The following LAMA3 variants were observed in gnomAD, a reference collection of about 807,000 sequenced individuals.
The protein encoded by LAMA3 is laminin subunit alpha-3.
Under a neutral mutation model 402.0 loss-of-function variants are expected in LAMA3, and 281 were observed. The observed-to-expected ratio is 0.70, with a 90% confidence interval of 0.63 to 0.77. The LOEUF is 0.77. LAMA3 is among the 30% of genes least tolerant of loss of function. LAMA3 has a pLI of 0.00. For missense variants in LAMA3, 3,840 were observed against 4,215.5 expected (o/e 0.91, Z 2.47); for synonymous variants, 1,431 against 1,558.4 (o/e 0.92, Z 1.93).
chr18:23,790,443 T>A (rs1366069511), intron 12 of LAMA3, among the ~76,000 whole-genome samples: 1 of 152,252 alleles, frequency 6.6e-6, no homozygotes, highest in Non-Finnish European at 1.5e-5. Context: ...TGGGTTATAA[T>A]GTAAAATGTA....
At chr18:23,909,866 C>T (rs2081374545) in intron 55 of LAMA3, among the ~76,000 whole-genome samples, 1 of 152,226 alleles carries the variant, frequency 6.6e-6, no homozygotes, top group South Asian at 2.1e-4. Context: ...AACTCCTAGA[C>T]AGCCCTACAG....
intron 50 of LAMA3, 111 bp from the exon 51 acceptor site, chr18:23,904,441 TA>T (rs934031089): frequency 0.1 from 84,004 of 818,018 alleles, no homozygotes; most frequent in South Asian, 0.15. Flanking sequence ...TTCCATTTCT[TA>T]AAAAAAAAAA....
intron 23 of LAMA3, among the ~76,000 whole-genome samples, chr18:23,830,036 G>A (rs1278218105): frequency 6.6e-6 from 1 of 152,174 alleles, no homozygotes; most frequent in Non-Finnish European, 1.5e-5. Context: ...CTCTGCATGA[G>A]CTAAACTGCT....
chr18:23,906,458 A>G (rs2081252706), intron 52 of LAMA3, among the ~76,000 whole-genome samples: 1 of 152,022 alleles, frequency 6.6e-6, no homozygotes, highest in Non-Finnish European at 1.5e-5. Flanking sequence ...AAATAATTAA[A>G]CTCTCTCAAT....
chr18:23,821,385 A>G (rs911388228), intron 19 of LAMA3, among the ~76,000 whole-genome samples: 1 of 152,246 alleles, frequency 6.6e-6, no homozygotes, highest in African/African-American at 2.4e-5. Flanking sequence ...GTGATTCTGC[A>G]CAAAGTCAGT....
intron 17 of LAMA3, among the ~76,000 whole-genome samples, chr18:23,816,010 G>C (rs1160903970): frequency 6.6e-6 from 1 of 152,140 alleles, no homozygotes; most frequent in East Asian, 1.9e-4. Flanking sequence ...ATGTTCTTTA[G>C]AACAGCACTG....
intron 35 of LAMA3, among the ~76,000 whole-genome samples, chr18:23,862,734 C>T (rs1568269618): frequency 6.6e-6 from 1 of 152,194 alleles, no homozygotes; most frequent in Non-Finnish European, 1.5e-5. Context: ...TAATGATTAT[C>T]TTGGATGAGG....
intron 1 of LAMA3, among the ~76,000 whole-genome samples, chr18:23,705,826 T>C (rs1397927343): frequency 2.0e-5 from 3 of 152,212 alleles, no homozygotes; most frequent in Non-Finnish European, 2.9e-5. Flanking sequence ...CCTATATATG[T>C]ATTTTAAATA....
chr18:23,907,948 C>A lies in LAMA3; in HGVS notation c.7015+13C>A. The A allele has an allele frequency of 2.5e-6, 4 of 1,612,980 alleles. No individual in the cohort carries two copies. Among genetic ancestry groups the A allele is most frequent in the Non-Finnish European group, 2.5e-6 (3 of 1,179,474 alleles). On this transcript the variant is annotated intron_variant, in intron 54 of 74. Transcript: ENST00000313654. ...GCAGATAACTCGGGTATCAGGCGATCTCTGGCCAGGACATCTTAGCCATTC... is the reference window on the plus strand; with the variant it reads ...GCAGATAACTCGGGTATCAGGCGATATCTGGCCAGGACATCTTAGCCATTC...
intron 11 of LAMA3, among the ~76,000 whole-genome samples, chr18:23,782,483 G>T (rs962692366): frequency 5.9e-5 from 9 of 152,124 alleles, no homozygotes; most frequent in Admixed American, 5.2e-4. Context: ...AACCCAGGAG[G>T]CAGAGGTTAT....
At chr18:23,773,200 A>C (rs1184893168) in intron 8 of LAMA3, among the ~76,000 whole-genome samples, 3 of 152,218 alleles carry the variant, frequency 2.0e-5, no homozygotes, top group African/African-American at 7.2e-5. Context: ...TCTCACTCAC[A>C]TGTCAGGTGC....
intron 20 of LAMA3, among the ~76,000 whole-genome samples, chr18:23,823,630 G>T (rs776547205): frequency 6.6e-6 from 1 of 152,118 alleles, no homozygotes; most frequent in African/African-American, 2.4e-5. Flanking sequence ...TTACTGCCTT[G>T]TCACCAGAAC....
At position 23,871,669 on chromosome 18, in the gene LAMA3, GT is replaced by G; in HGVS notation, c.4998+12del. 6.3e-7 allele frequency: 1 copy of G among 1,588,240 alleles called. No homozygotes were observed. The highest frequency in any genetic ancestry group is 1.8e-5 in the Admixed American group (1 of 55,352). ...GCTGGTGACTCTTGTCAGGTAGGAA[GT>G]TTTCCCATCCGCAACATTTCCCTAG... On this transcript the variant is annotated intron_variant, in intron 38 of 74. Coordinates refer to ENST00000313654, the MANE Select transcript of LAMA3 (RefSeq NM_198129.4).
At chr18:23,787,237 G>A (rs948824295) in intron 12 of LAMA3, among the ~76,000 whole-genome samples, 6 of 152,122 alleles carry the variant, frequency 3.9e-5, no homozygotes, top group African/African-American at 1.4e-4. Flanking sequence ...AGCCAAGATC[G>A]CACCATTGCC....
chr18:23,816,943 G>T (rs1385508852), intron 18 of LAMA3, among the ~76,000 whole-genome samples: 2 of 151,994 alleles, frequency 1.3e-5, no homozygotes, highest in Non-Finnish European at 2.9e-5. Context: ...CAGGTGCTTG[G>T]GTCAATAAGA....
chr18:23,709,737 C>T (rs112294830), intron 1 of LAMA3: 2 of 494,308 alleles, frequency 4.0e-6, no homozygotes, highest in Non-Finnish European at 7.5e-6. Context: ...CCCATGGATT[C>T]TTTTCTCTTC....
At chr18:23,915,467 G>A (rs769534872) in intron 59 of LAMA3, 45 bp downstream of exon 59, 2 of 1,563,688 alleles carry the variant, frequency 1.3e-6, no homozygotes, top group South Asian at 2.2e-5. Flanking sequence ...TGGAGTTTTG[G>A]TAACTTGCAG....
At chr18:23,791,695 C>G (rs1225941415) in intron 12 of LAMA3, among the ~76,000 whole-genome samples, 1 of 142,778 alleles carries the variant, frequency 7.0e-6, no homozygotes, top group Non-Finnish European at 1.5e-5. Flanking sequence ...GATCGCACCA[C>G]TGGACTCCAG....
At chr18:23,874,870 T>G (rs900431960) in intron 38 of LAMA3, among the ~76,000 whole-genome samples, 1 of 152,216 alleles carries the variant, frequency 6.6e-6, no homozygotes, top group Non-Finnish European at 1.5e-5. Flanking sequence ...CTGATTTTGT[T>G]TATTTATTAT....
Sources: gnomAD v4.1 joint callset for allele counts (sites outside exome capture counted in the v4.1 genomes callset) on GRCh38, gnomAD v4.1.1 for gene constraint, MANE v1.5 for transcripts, NCBI Gene and HGNC (gene_info 2026-07-23, HGNC 2026-07-21) for gene names.